Variants in PIWIL4 observed in about 807,000 individuals in gnomAD.
The protein encoded by PIWIL4 is piwi-like protein 4.
Under a neutral mutation model 100.9 loss-of-function variants are expected in PIWIL4, and 50 were observed. The observed-to-expected ratio is 0.50, with a 90% confidence interval of 0.39 to 0.63. The LOEUF is 0.63. Ranked by LOEUF, PIWIL4 falls within the 20% of genes least tolerant of loss-of-function variation. The probability of loss-of-function intolerance (pLI) is 0.00; values close to 1 mark genes in which losing one functional copy is unlikely to be tolerated. For synonymous variants in PIWIL4, 342 were observed against 367.5 expected (o/e 0.93, Z 0.79); for missense variants, 887 against 1,043.3 (o/e 0.85, Z 2.06).
chr11:94,599,147 G>A (rs1055313639), intron 11 of PIWIL4, among the ~76,000 whole-genome samples: 20 of 152,334 alleles, frequency 1.3e-4, no homozygotes, highest in Admixed American at 3.9e-4. Flanking sequence ...GGATCTTGGC[G>A]AGAGTTCAGT....
intron 13 of PIWIL4, among the ~76,000 whole-genome samples, chr11:94,604,472 C>A (rs996965422): frequency 6.6e-5 from 10 of 152,150 alleles, no homozygotes; most frequent in African/African-American, 2.4e-4. Context: ...TTCTTGCCAC[C>A]TTCTGTGCAT....
chr11:94,603,221 A>G (rs1282916318), intron 12 of PIWIL4, among the ~76,000 whole-genome samples: 6 of 152,208 alleles, frequency 3.9e-5, no homozygotes, highest in African/African-American at 1.4e-4. Context: ...CCAGCCAGTC[A>G]CATAGGTCTG....
intron 8 of PIWIL4, among the ~76,000 whole-genome samples, chr11:94,591,795 T>C (rs1469967452): frequency 6.6e-6 from 1 of 152,198 alleles, no homozygotes; most frequent in Non-Finnish European, 1.5e-5. Context: ...CTGATTATTA[T>C]GTAGTCAGTT....
chr11:94,605,745 CGTTT>C (rs934620762), intron 13 of PIWIL4, among the ~76,000 whole-genome samples: 6 of 152,080 alleles, frequency 3.9e-5, no homozygotes, highest in Non-Finnish European at 8.8e-5. Context: ...CCCATTTATT[CGTTT>C]GTTTCTTTAT....
intron 6 of PIWIL4, 149 bp downstream of exon 6, chr11:94,585,674 T>C: frequency 1.8e-6 from 1 of 555,828 alleles, no homozygotes; most frequent in Non-Finnish European, 2.9e-6. Flanking sequence ...GTTTTTTTAA[T>C]AAAATGGTTC....
chr11:94,577,776 A>G (rs543316594), intron 4 of PIWIL4, among the ~76,000 whole-genome samples: 2 of 152,204 alleles, frequency 1.3e-5, no homozygotes, highest in Non-Finnish European at 2.9e-5. Context: ...CTTATTAACG[A>G]AAGAAAAATG....
At chr11:94,596,391 C>T (rs1323512385) in intron 10 of PIWIL4, among the ~76,000 whole-genome samples, 1 of 151,828 alleles carries the variant, frequency 6.6e-6, no homozygotes, top group Admixed American at 6.6e-5. Flanking sequence ...GAGTGAATCA[C>T]AATTGAATTA....
At chr11:94,610,529 T>C (rs1363998181) in intron 15 of PIWIL4, among the ~76,000 whole-genome samples, 1 of 152,136 alleles carries the variant, frequency 6.6e-6, no homozygotes, top group East Asian at 1.9e-4. Flanking sequence ...TTTTTGGTCA[T>C]AGCCATCCTA....
At chr11:94,596,596 T>A (rs1444905603) in intron 10 of PIWIL4, among the ~76,000 whole-genome samples, 1 of 152,208 alleles carries the variant, frequency 6.6e-6, no homozygotes, top group Admixed American at 6.5e-5. Flanking sequence ...TCATAGTTTT[T>A]TAATTTCATG....
intron 9 of PIWIL4, among the ~76,000 whole-genome samples, chr11:94,594,144 T>C (rs1459534954): frequency 6.6e-6 from 1 of 152,138 alleles, no homozygotes; most frequent in Non-Finnish European, 1.5e-5. Flanking sequence ...TCAGTTATGA[T>C]GTGTATATAT....
At chr11:94,591,195 C>T (rs951580614) in intron 8 of PIWIL4, among the ~76,000 whole-genome samples, 15 of 152,204 alleles carry the variant, frequency 9.9e-5, no homozygotes, top group Admixed American at 9.2e-4. Flanking sequence ...TTATATTTCT[C>T]AGCATCCCTC....
At chr11:94,567,974 T>C (rs1383305994) in intron 1 of PIWIL4, among the ~76,000 whole-genome samples, 2 of 152,080 alleles carry the variant, frequency 1.3e-5, no homozygotes, top group African/African-American at 2.4e-5. Context: ...GGCTAATTAG[T>C]ATATAAAAAT....
At chr11:94,619,340 T>C (rs1266737836) in intron 17 of PIWIL4, among the ~76,000 whole-genome samples, 1 of 152,180 alleles carries the variant, frequency 6.6e-6, no homozygotes, top group East Asian at 1.9e-4. Flanking sequence ...ACAAGAGGAA[T>C]AGGAAGAACT....
chr11:94,621,178 A>T lies in PIWIL4; in HGVS notation c.*186A>T. The T allele has an allele frequency of 1.8e-6, 1 of 543,404 alleles. No homozygotes were observed. The highest frequency in any genetic ancestry group is 3.3e-6 in the Non-Finnish European group (1 of 305,762). The allele number at this position is 543,404 out of a possible 1,614,324, so 33.7% of individuals were successfully genotyped here. On this transcript the variant is annotated 3_prime_UTR_variant, in exon 20 of 20. Coordinates refer to ENST00000299001, the MANE Select transcript of PIWIL4 (RefSeq NM_152431.3). ...AAAAAATGTGTGTTATTTTGTTTTA[A>T]AGAGTTGTATGCTTGGGGTAAATTT...
intron 15 of PIWIL4, among the ~76,000 whole-genome samples, chr11:94,610,111 A>G (rs1302042422): frequency 1.3e-5 from 2 of 152,088 alleles, no homozygotes; most frequent in African/African-American, 2.4e-5. Context: ...ACCACATATA[A>G]GTGATCGTAC....
intron 1 of PIWIL4, among the ~76,000 whole-genome samples, chr11:94,568,339 CAG>C (rs1045446271): frequency 6.6e-6 from 1 of 152,104 alleles, no homozygotes; most frequent in African/African-American, 2.4e-5. Flanking sequence ...TTTATTCATG[CAG>C]AGTCATGATC....
chr11:94,609,000 G>A (rs1173254253), intron 15 of PIWIL4, among the ~76,000 whole-genome samples: 1 of 152,098 alleles, frequency 6.6e-6, no homozygotes, highest in Non-Finnish European at 1.5e-5. Flanking sequence ...ACTGAACTAG[G>A]TACTTTACAT....
chr11:94,616,136 T>A (rs762503339), intron 15 of PIWIL4, among the ~76,000 whole-genome samples: 7 of 152,260 alleles, frequency 4.6e-5, no homozygotes, highest in Non-Finnish European at 7.3e-5. Flanking sequence ...TCATGTGATT[T>A]AATTTTTACC....
intron 9 of PIWIL4, among the ~76,000 whole-genome samples, chr11:94,594,104 T>C (rs1398277713): frequency 6.6e-6 from 1 of 152,184 alleles, no homozygotes; most frequent in Non-Finnish European, 1.5e-5. Flanking sequence ...GTGAAGACTT[T>C]CTACGTTTTG....
Sources: gnomAD v4.1 joint callset for allele counts (sites outside exome capture counted in the v4.1 genomes callset) on GRCh38, gnomAD v4.1.1 for gene constraint, MANE v1.5 for transcripts, NCBI Gene and HGNC (gene_info 2026-07-23, HGNC 2026-07-21) for gene names.